Variants in ZNF160 observed in about 807,000 individuals in gnomAD.
ZNF160 encodes the protein zinc finger protein 160.
In ZNF160, 9 loss-of-function variants were observed where a neutral mutation model predicts 13.1. The ratio of observed to expected loss-of-function variants is 0.69; its 90% CI spans 0.41 to 1.20. ZNF160 has a LOEUF of 1.20. Among genes scored for constraint, ZNF160 ranks in the 50% most tolerant of loss-of-function variants. ZNF160 has a pLI of 0.01. For missense variants in ZNF160, 838 were observed against 988.0 expected, an observed-to-expected ratio of 0.85 and a Z score of 2.04; for synonymous variants, 293 against 333.2, an observed-to-expected ratio of 0.88 and a Z score of 1.31.
At chr19:53,100,189 T>C (rs762188699) in intron 1 of ZNF160, among the ~76,000 whole-genome samples, 12 of 152,158 alleles carry the variant, frequency 7.9e-5, no homozygotes, top group Non-Finnish European at 1.2e-4. Flanking sequence ...AGGTTTTGAG[T>C]CAATCCAGCC....
intron 5 of ZNF160, among the ~76,000 whole-genome samples, chr19:53,071,864 C>T (rs956249323): frequency 1.3e-5 from 2 of 151,882 alleles, no homozygotes; most frequent in African/African-American, 4.8e-5. Flanking sequence ...TCATTATGTA[C>T]AAATACATAC....
chr19:53,101,379 A>G (rs1256747937), intron 1 of ZNF160, among the ~76,000 whole-genome samples: 1 of 151,930 alleles, frequency 6.6e-6, no homozygotes, highest in African/African-American at 2.4e-5. Context: ...GCAGACCTCA[A>G]TCTGAACTCA....
intron 5 of ZNF160, among the ~76,000 whole-genome samples, chr19:53,072,680 G>A (rs916502850): frequency 2.0e-5 from 3 of 152,014 alleles, no homozygotes; most frequent in East Asian, 2.0e-4. Flanking sequence ...GGAGAAACCC[G>A]ATCTCTACTA....
intron 1 of ZNF160, among the ~76,000 whole-genome samples, chr19:53,096,326 G>A (rs1211678257): frequency 6.6e-6 from 1 of 152,194 alleles, no homozygotes; most frequent in Non-Finnish European, 1.5e-5. Flanking sequence ...TGTCCTTGGG[G>A]TGGTCTTTTT....
chr19:53,068,770 A>G lies in ZNF160; in HGVS notation c.1764T>C (p.Thr588=), dbSNP rs1262779145. The change falls in exon 6 of 6, where the codon ACT becomes ACC. Residue 588 remains threonine (T), a synonymous_variant. Coordinates refer to ENST00000683776, the MANE Select transcript of ZNF160 (RefSeq NM_001322131.2). ...CATTACACTTGTAAGGTTTTTCTCC[A>G]GTATGAACTCTCCAATGCCTTGCAA... ...SQLARHWRVH[T]GEKPYKCNDC... 6.2e-7 allele frequency: 1 copy of G among 1,612,900 alleles called. No homozygotes were observed. Among genetic ancestry groups the G allele is most frequent in the Admixed American group, 1.7e-5 (1 of 59,998 alleles).
chr19:53,071,509 T>C (rs1320974806), intron 5 of ZNF160, among the ~76,000 whole-genome samples: 1 of 122,720 alleles, frequency 8.1e-6, no homozygotes, highest in African/African-American at 3.2e-5. Flanking sequence ...CACTCCAGCC[T>C]GGGGCAACAA....
chr19:53,084,227 G>A (rs189071), intron 3 of ZNF160, among the ~76,000 whole-genome samples: 132,303 of 152,210 alleles, frequency 0.87, 57,613 homozygotes, highest in Middle Eastern at 0.93. Context: ...CCCCTGGTAC[G>A]TAAGGCACAG....
intron 1 of ZNF160, among the ~76,000 whole-genome samples, chr19:53,096,463 T>C (rs1300570147): frequency 2.0e-5 from 3 of 151,072 alleles, no homozygotes; most frequent in Non-Finnish European, 4.4e-5. Flanking sequence ...TGGCTGACTA[T>C]GGGATCCCTG....
At chr19:53,074,597 G>C (rs1467709701) in intron 4 of ZNF160, among the ~76,000 whole-genome samples, 1 of 151,258 alleles carries the variant, frequency 6.6e-6, no homozygotes, top group Non-Finnish European at 1.5e-5. Context: ...ATGAACCTGG[G>C]AGGCAGAGCT....
intron 4 of ZNF160, among the ~76,000 whole-genome samples, chr19:53,074,784 T>C (rs190243636): frequency 1.3e-5 from 2 of 151,014 alleles, no homozygotes; most frequent in South Asian, 4.2e-4. Context: ...AGCAGAGAGG[T>C]AGAAAACAGG....
intron 3 of ZNF160, chr19:53,075,792 C>A (rs778139692): frequency 2.7e-5 from 14 of 518,814 alleles, no homozygotes; most frequent in Non-Finnish European, 5.0e-5. Flanking sequence ...GCAAACTAAT[C>A]AATTTCAAGG....
At chr19:53,089,375 T>G (rs2084954734) in intron 2 of ZNF160, among the ~76,000 whole-genome samples, 1 of 152,206 alleles carries the variant, frequency 6.6e-6, no homozygotes, top group Admixed American at 6.5e-5. Context: ...TGTTCACTAT[T>G]ACATTGACTG....
Position 53,068,351 on chromosome 19 carries a change from G to C in ZNF160, c.2183C>G (p.Thr728Ser). The C allele has an allele frequency of 6.2e-7, 1 of 1,614,114 alleles. No individual in the cohort carries two copies. The highest frequency in any genetic ancestry group is 8.5e-7 in the Non-Finnish European group (1 of 1,180,034). ...ATTACATTTGTAAGGTTTTTTCCCA[G>C]TATGGATTGCCTGATGGGTGGTTAG... is the stretch of plus-strand genomic sequence containing the variant. ...SSLTTHQAIH[T>S]GKKPYKCNEC... Residue 728 changes from threonine (T) to serine (S), a missense_variant, in exon 6 of 6, where the codon ACT becomes AGT. Coordinates refer to ENST00000683776, the MANE Select transcript of ZNF160 (RefSeq NM_001322131.2).
chr19:53,073,637 A>T, intron 5 of ZNF160: 1 of 1,271,468 alleles, frequency 7.9e-7, no homozygotes, highest in Non-Finnish European at 1.0e-6. Flanking sequence ...ATACAGAGGG[A>T]GAGACCAAGA....
rs188236828 is a variant in ZNF160 at position 53,067,748 on chromosome 19, A to G, written c.*329T>C. 1.2e-5 allele frequency: 3 copies of G among 241,700 alleles called. No homozygotes were observed. Among genetic ancestry groups the G allele is most frequent in the East Asian group, 8.4e-5 (1 of 11,838 alleles). 15.0% of individuals were successfully genotyped at this position (241,700 alleles called of 1,614,324 possible). A position where few individuals can be genotyped will look rare whatever the true frequency, so the allele number is the denominator to read the frequency against. On this transcript the variant is annotated 3_prime_UTR_variant, in exon 6 of 6. Coordinates refer to ENST00000683776, the MANE Select transcript of ZNF160 (RefSeq NM_001322131.2). Reference sequence around the variant, plus strand: ...ACTTGTGAGTATTCTACAGTGTATAATATCAAAGGCAAACAGGGAAACCAG... The same window carrying G: ...ACTTGTGAGTATTCTACAGTGTATAGTATCAAAGGCAAACAGGGAAACCAG...
chr19:53,068,699 T>A lies in ZNF160; in HGVS notation c.1835A>T (p.Gln612Leu). 6.2e-7 allele frequency: 1 copy of A among 1,614,152 alleles called. No homozygotes were observed. The highest frequency in any genetic ancestry group is 1.1e-5 in the South Asian group (1 of 91,080). ...FSDRSSLTFH[Q>L]AIHTGEKPYK... The stretch of plus-strand genomic sequence containing the variant: ...AGGTTTCTCTCCAGTATGTATTGCC[T>A]GATGAAAAGTTAGGCTTGAACGATC... The change falls in exon 6 of 6, where the codon CAG becomes CTG. Residue 612 changes from glutamine (Q) to leucine (L), a missense_variant. Around this residue, in one of 3 missense-constraint regions of ZNF160, gnomAD observed 400 missense variants for 538.9 expected, o/e 0.74. Transcript: ENST00000683776.
chr19:53,099,809 T>C (rs1196848821), intron 1 of ZNF160, among the ~76,000 whole-genome samples: 1 of 152,150 alleles, frequency 6.6e-6, no homozygotes, highest in Non-Finnish European at 1.5e-5. Flanking sequence ...CACCTTCACG[T>C]TGCAGGTGGA....
Position 53,075,148 on chromosome 19 carries a change from G to A in ZNF160, c.51C>T (p.Phe17=). 1 of 1,614,188 alleles carries A rather than the reference G, an allele frequency of 6.2e-7. No homozygotes were observed. The highest frequency in any genetic ancestry group is 8.5e-7 in the Non-Finnish European group (1 of 1,180,028). ...CCAGGCATTTCCACTCCTCCTGAGA[G>A]AATTCTATGGCCACATCCCTAAATG... The part of the protein sequence containing the change: ...RLTFRDVAIE[F]SQEEWKCLDP... The change falls in exon 4 of 6, where the codon TTC becomes TTT. Residue 17 remains phenylalanine (F), a synonymous_variant. Transcript: ENST00000683776.
At chr19:53,073,564 A>G (rs2084265724) in intron 5 of ZNF160, 2 of 1,521,840 alleles carry the variant, frequency 1.3e-6, no homozygotes, top group South Asian at 2.5e-5. Context: ...GTCAGGACTA[A>G]GGACTATGGA....
Sources: allele counts gnomAD v4.1 joint callset (sites outside exome capture counted in the v4.1 genomes callset), GRCh38; gene constraint gnomAD v4.1.1; regional missense constraint gnomAD v4.1.1; transcripts MANE v1.5; gene names NCBI Gene and HGNC (gene_info 2026-07-23, HGNC 2026-07-21).